The following UBAP2L variants were observed in gnomAD, a reference collection of about 807,000 sequenced individuals.
UBAP2L encodes ubiquitin-associated protein 2-like.
Under a neutral mutation model 130.6 loss-of-function variants are expected in UBAP2L, and 12 were observed. The observed-to-expected ratio is 0.09, with a 90% confidence interval of 0.06 to 0.15. The LOEUF (loss-of-function observed/expected upper bound fraction) is 0.15, where lower values mean the gene tolerates loss of function less well. Among genes scored for constraint, UBAP2L ranks in the 10% least tolerant of loss-of-function variants. The probability of loss-of-function intolerance (pLI) is 1.00; values close to 1 mark genes in which losing one functional copy is unlikely to be tolerated. For synonymous variants in UBAP2L, 503 were observed against 524.7 expected, an observed-to-expected ratio of 0.96 and a Z score of 0.57; for missense variants, 965 against 1,332.5, an observed-to-expected ratio of 0.72 and a Z score of 4.29.
At chr1:154,220,575 A>C (rs1036921018), upstream of UBAP2L, 5 of 671,058 alleles carry the variant, frequency 7.5e-6, no homozygotes, top group African/African-American at 1.8e-5. Context: ...GACAGGCAGG[A>C]GAGCTGGGAA....
intron 18 of UBAP2L, among the ~76,000 whole-genome samples, chr1:154,256,622 G>C (rs1679764481): frequency 1.3e-5 from 2 of 152,158 alleles, no homozygotes; most frequent in Admixed American, 1.3e-4. Context: ...CTGGGCAACA[G>C]GATGGGACCC....
At chr1:154,226,262 A>G (rs928285455) in intron 2 of UBAP2L, among the ~76,000 whole-genome samples, 4 of 152,160 alleles carry the variant, frequency 2.6e-5, no homozygotes, top group African/African-American at 7.2e-5. Context: ...CAACTTCACT[A>G]TGTTTCTTCA....
Position 154,270,414 on chromosome 1 carries a change from G to T in UBAP2L, c.*119G>T. Reference sequence around the variant, plus strand: ...GTTTCCGCTGCCCCCCACCCCCAGCGGCCCACCCCATGCCTCAGCTTCATG... The same window carrying T: ...GTTTCCGCTGCCCCCCACCCCCAGCTGCCCACCCCATGCCTCAGCTTCATG... On this transcript the variant is annotated 3_prime_UTR_variant, in exon 27 of 27. Transcript: ENST00000428931. The T allele has an allele frequency of 7.3e-7, 1 of 1,376,578 alleles. No individual in the cohort carries two copies. The allele number at this position is 1,376,578 out of a possible 1,614,324, so 85.3% of individuals were successfully genotyped here.
downstream of UBAP2L, chr1:154,271,221 G>GA (rs577569176): frequency 3.0e-3 from 968 of 327,404 alleles, 10 homozygotes; most frequent in Non-Finnish European, 2.2e-3. Flanking sequence ...CCATTTCAAA[G>GA]AAAAAAAATG....
chr1:154,223,955 C>T (rs190434610), intron 1 of UBAP2L, among the ~76,000 whole-genome samples: 4 of 152,242 alleles, frequency 2.6e-5, no homozygotes. Context: ...TAAACTTACC[C>T]TCTTTGGAAG....
chr1:154,235,083 A>G, intron 5 of UBAP2L, 113 bp from the exon 6 acceptor site: 1 of 672,060 alleles, frequency 1.5e-6, no homozygotes, highest in South Asian at 1.7e-5. Flanking sequence ...AATTCCCAAT[A>G]CCATATTACA....
intron 2 of UBAP2L, among the ~76,000 whole-genome samples, chr1:154,225,713 A>C (rs1667699779): frequency 6.6e-6 from 1 of 152,134 alleles, no homozygotes; most frequent in African/African-American, 2.4e-5. Flanking sequence ...TATAGGTGTG[A>C]GTCACTGCCC....
intron 4 of UBAP2L, among the ~76,000 whole-genome samples, chr1:154,231,467 A>G (rs1669813644): frequency 6.6e-6 from 1 of 151,570 alleles, no homozygotes; most frequent in African/African-American, 2.4e-5. Flanking sequence ...CACCTGGCTG[A>G]TTTTGGTATG....
intron 24 of UBAP2L, among the ~76,000 whole-genome samples, chr1:154,264,593 T>C (rs1282554987): frequency 6.6e-6 from 1 of 152,194 alleles, no homozygotes; most frequent in Non-Finnish European, 1.5e-5. Context: ...AGAAGCTGTT[T>C]TTAGCCTAAA....
At position 154,221,137 on chromosome 1, in the gene UBAP2L, C is replaced by A. The variant is rs1230708503; in HGVS notation, c.-41+162C>A. ...TATCCCCTCCCTCGGTAGGCCCCCC[C>A]ACACCGTGTGTTCCCCCACTGTACA... On this transcript the variant is annotated intron_variant, in intron 1 of 26. Coordinates refer to ENST00000428931, the MANE Select transcript of UBAP2L (RefSeq NM_014847.4). 17 of 154,772 alleles carry A rather than the reference C, an allele frequency of 1.1e-4. 1 individual carries two copies. In the South Asian group the frequency reaches 2.3e-3, roughly 21 times the overall value. The allele number at this position is 154,772 out of a possible 1,614,324, so 9.6% of individuals were successfully genotyped here.
At chr1:154,255,456 A>G in intron 17 of UBAP2L, 130 bp downstream of exon 17, 1 of 1,304,832 alleles carries the variant, frequency 7.7e-7, no homozygotes, top group Non-Finnish European at 1.1e-6. Flanking sequence ...TGACCTAAGA[A>G]CTGTGGGAAG....
At chr1:154,230,472 C>T (rs1669486527) in intron 4 of UBAP2L, among the ~76,000 whole-genome samples, 1 of 152,196 alleles carries the variant, frequency 6.6e-6, no homozygotes, top group Non-Finnish European at 1.5e-5. Flanking sequence ...TTAAATTTTA[C>T]ACTGTTGACC....
intron 4 of UBAP2L, among the ~76,000 whole-genome samples, chr1:154,233,992 T>C (rs1251288477): frequency 6.6e-6 from 1 of 152,020 alleles, no homozygotes; most frequent in East Asian, 1.9e-4. Context: ...CTCTTGGAAG[T>C]GATCCCTGCA....
intron 15 of UBAP2L, 118 bp from the exon 16 acceptor site, chr1:154,254,718 A>T: frequency 8.9e-7 from 1 of 1,121,514 alleles, no homozygotes; most frequent in Non-Finnish European, 1.3e-6. Context: ...CTTTTGGTTA[A>T]TTTACAGAGT....
chr1:154,262,195 AAAAAG>A (rs1238713418), intron 24 of UBAP2L, among the ~76,000 whole-genome samples: 2 of 152,288 alleles, frequency 1.3e-5, no homozygotes, highest in Non-Finnish European at 2.9e-5. Flanking sequence ...AACTGTGGAG[AAAAAG>A]GAGTAGGCGT....
intron 7 of UBAP2L, 92 bp from the exon 8 acceptor site, chr1:154,236,932 T>C (rs898979132): frequency 2.1e-6 from 2 of 956,526 alleles, no homozygotes; most frequent in Non-Finnish European, 3.3e-6. Flanking sequence ...AGATTTGTAC[T>C]AGGAAGGATG....
chr1:154,259,099 G>T, intron 21 of UBAP2L, 69 bp downstream of exon 21: 2 of 1,347,820 alleles, frequency 1.5e-6, no homozygotes, highest in East Asian at 4.6e-5. Context: ...AATTATCTCC[G>T]TCACAGACAT....
intron 8 of UBAP2L, 103 bp downstream of exon 8, chr1:154,237,239 T>C: frequency 1.8e-6 from 2 of 1,100,370 alleles, no homozygotes; most frequent in Admixed American, 2.0e-5. Flanking sequence ...TGTTTGGTTA[T>C]GGAGATAGGG....
At chr1:154,261,730 C>T in intron 24 of UBAP2L, 33 bp downstream of exon 24, 1 of 1,601,052 alleles carries the variant, frequency 6.2e-7, no homozygotes, top group South Asian at 1.1e-5. Context: ...TCGGTGTTAT[C>T]TGTGGGGTGT....
Sources: allele counts gnomAD v4.1 joint callset (sites outside exome capture counted in the v4.1 genomes callset), GRCh38; gene constraint gnomAD v4.1.1; transcripts MANE v1.5; gene names NCBI Gene and HGNC (gene_info 2026-07-23, HGNC 2026-07-21).